The following MAN1A1 variants were observed in gnomAD, a reference collection of about 807,000 sequenced individuals.
The protein encoded by MAN1A1 is mannosyl-oligosaccharide 1,2-alpha-mannosidase IA.
In MAN1A1, 29 loss-of-function variants were observed where a neutral mutation model predicts 70.8. The ratio of observed to expected loss-of-function variants is 0.41; its 90% CI spans 0.31 to 0.56. The LOEUF (loss-of-function observed/expected upper bound fraction) is 0.56. Ranked by LOEUF, MAN1A1 falls within the 20% of genes least tolerant of loss-of-function variation. The probability of loss-of-function intolerance (pLI) is 0.29; values close to 1 mark genes in which losing one functional copy is unlikely to be tolerated. For missense variants in MAN1A1, 747 were observed against 841.3 expected, an observed-to-expected ratio of 0.89 and a Z score of 1.39; for synonymous variants, 349 against 330.1, an observed-to-expected ratio of 1.06 and a Z score of -0.62.
intron 5 of MAN1A1, among the ~76,000 whole-genome samples, chr6:119,266,932 A>C (rs1775774078): frequency 6.6e-6 from 1 of 152,252 alleles, no homozygotes; most frequent in Non-Finnish European, 1.5e-5. Flanking sequence ...CAAAGATCTT[A>C]ATAGACACCT....
At position 119,189,567 on chromosome 6, in the gene MAN1A1, G is replaced by C; in HGVS notation, c.1546+97C>G. ...TTAATCACGATCATCAAGCTTCATA[G>C]GCAGAGCGGATAGTCTTTTGAGGGC... On this transcript the variant is annotated intron_variant, in intron 10 of 12. Transcript: ENST00000368468. The C allele has an allele frequency of 2.9e-6, 3 of 1,042,394 alleles. No homozygotes were observed. In the South Asian group the frequency reaches 4.1e-5, roughly 14 times the overall value. The allele number at this position is 1,042,394 out of a possible 1,614,324, so 64.6% of individuals were successfully genotyped here.
At chr6:119,328,968 C>T (rs529753224) in intron 2 of MAN1A1, among the ~76,000 whole-genome samples, 1 of 152,096 alleles carries the variant, frequency 6.6e-6, no homozygotes, top group Admixed American at 6.5e-5. Context: ...ACAAGTAGGC[C>T]CACAACAGAG....
At chr6:119,333,882 A>C (rs937056260) in intron 2 of MAN1A1, among the ~76,000 whole-genome samples, 2 of 152,172 alleles carry the variant, frequency 1.3e-5, no homozygotes, top group African/African-American at 4.8e-5. Flanking sequence ...AATTCTTCAG[A>C]TCACAGGTGG....
At chr6:119,324,426 A>G (rs982091269) in intron 2 of MAN1A1, among the ~76,000 whole-genome samples, 1 of 152,242 alleles carries the variant, frequency 6.6e-6, no homozygotes, top group South Asian at 2.1e-4. Flanking sequence ...GGGAATCGAA[A>G]GTTATACGCA....
intron 4 of MAN1A1, among the ~76,000 whole-genome samples, chr6:119,301,712 G>C (rs6917219): frequency 0.012 from 1,807 of 152,302 alleles, 37 homozygotes; most frequent in African/African-American, 0.042. Context: ...CCATCTCATA[G>C]AGTTGCAGTG....
intron 2 of MAN1A1, among the ~76,000 whole-genome samples, chr6:119,314,976 C>T (rs1260811889): frequency 6.6e-6 from 1 of 152,140 alleles, no homozygotes; most frequent in East Asian, 1.9e-4. Flanking sequence ...TTCCTCTCCT[C>T]ATGCCAAGCT....
At chr6:119,336,073 A>G (rs749795233) in intron 2 of MAN1A1, among the ~76,000 whole-genome samples, 13 of 151,938 alleles carry the variant, frequency 8.6e-5, no homozygotes, top group Non-Finnish European at 1.9e-4. Context: ...AAATTTTTTT[A>G]TTATTATTTT....
intron 3 of MAN1A1, among the ~76,000 whole-genome samples, chr6:119,302,688 C>T (rs977771282): frequency 3.9e-5 from 6 of 152,158 alleles, no homozygotes. Flanking sequence ...CCTGTGATTG[C>T]ATTCTCTAGC....
chr6:119,337,272 A>C (rs1773478053), intron 2 of MAN1A1, among the ~76,000 whole-genome samples: 1 of 152,206 alleles, frequency 6.6e-6, no homozygotes, highest in Non-Finnish European at 1.5e-5. Flanking sequence ...GTAAAAAAAA[A>C]AAATCAAAAA....
chr6:119,265,093 C>CT (rs1018859486), intron 5 of MAN1A1, among the ~76,000 whole-genome samples: 1 of 106,920 alleles, frequency 9.4e-6, no homozygotes, highest in Non-Finnish European at 1.9e-5. Flanking sequence ...TTTTAAGTGC[C>CT]TTTTTTAAAT....
At chr6:119,207,148 T>C (rs1773884228) in intron 6 of MAN1A1, among the ~76,000 whole-genome samples, 2 of 152,176 alleles carry the variant, frequency 1.3e-5, no homozygotes, top group South Asian at 2.1e-4. Context: ...TTTAGAAACA[T>C]TTCTTAACAT....
intron 6 of MAN1A1, among the ~76,000 whole-genome samples, chr6:119,228,821 G>T (rs1774593368): frequency 6.6e-6 from 1 of 152,094 alleles, no homozygotes; most frequent in Non-Finnish European, 1.5e-5. Context: ...GGCATAAAAA[G>T]TGTGGGCCCT....
chr6:119,241,986 A>G (rs1342900956), intron 6 of MAN1A1, among the ~76,000 whole-genome samples: 2 of 150,758 alleles, frequency 1.3e-5, no homozygotes, highest in Non-Finnish European at 3.0e-5. Context: ...ATGTGTGTGT[A>G]TATATATATT....
At chr6:119,269,979 C>T (rs1164099727) in intron 5 of MAN1A1, among the ~76,000 whole-genome samples, 16 of 152,108 alleles carry the variant, frequency 1.1e-4, no homozygotes, top group South Asian at 2.1e-4. Flanking sequence ...TCAATTTAAA[C>T]GTACTTAGTG....
Position 119,204,747 on chromosome 6 carries a change from G to A in MAN1A1, c.1116+12C>T. On this transcript the variant is annotated intron_variant, in intron 7 of 12. Coordinates refer to ENST00000368468, the MANE Select transcript of MAN1A1 (RefSeq NM_005907.4). The stretch of plus-strand genomic sequence containing the variant: ...GTTGCTTTGCAGGCCAAGGCACATT[G>A]AAGAATCTCACCTTTTCAGCAAAGA... 1 of 1,613,762 alleles carries A rather than the reference G, an allele frequency of 6.2e-7. No individual in the cohort carries two copies. Among genetic ancestry groups the A allele is most frequent in the Non-Finnish European group, 8.5e-7 (1 of 1,179,744 alleles).
At chr6:119,338,985 G>A (rs1773535526) in intron 2 of MAN1A1, among the ~76,000 whole-genome samples, 1 of 152,138 alleles carries the variant, frequency 6.6e-6, no homozygotes, top group Non-Finnish European at 1.5e-5. Context: ...CACTCCTTAG[G>A]CCTCCAAGCT....
At chr6:119,208,193 G>A (rs1253550933) in intron 6 of MAN1A1, among the ~76,000 whole-genome samples, 1 of 152,138 alleles carries the variant, frequency 6.6e-6, no homozygotes, top group Non-Finnish European at 1.5e-5. Context: ...GAGCTGCCAA[G>A]TGTTTGGTTC....
At chr6:119,239,715 G>C (rs1032958009) in intron 6 of MAN1A1, among the ~76,000 whole-genome samples, 1 of 152,170 alleles carries the variant, frequency 6.6e-6, no homozygotes, top group African/African-American at 2.4e-5. Flanking sequence ...CAATAACAAC[G>C]TAAGACCAGT....
intron 3 of MAN1A1, among the ~76,000 whole-genome samples, chr6:119,304,534 A>T (rs1772478585): frequency 6.6e-6 from 1 of 152,206 alleles, no homozygotes; most frequent in African/African-American, 2.4e-5. Flanking sequence ...ATCTTGAAAT[A>T]AATAGTTCTA....
Sources: gnomAD v4.1 joint callset for allele counts (sites outside exome capture counted in the v4.1 genomes callset) on GRCh38, gnomAD v4.1.1 for gene constraint, MANE v1.5 for transcripts, NCBI Gene and HGNC (gene_info 2026-07-23, HGNC 2026-07-21) for gene names.